VPS33B: variants seen among roughly 807,000 people sequenced by gnomAD.
VPS33B encodes the protein vacuolar protein sorting-associated protein 33B.
Under a neutral mutation model 95.3 loss-of-function variants are expected in VPS33B, and 80 were observed. The ratio of observed to expected loss-of-function variants is 0.84; its 90% CI spans 0.70 to 1.01. The LOEUF is 1.01. Ranked by LOEUF, VPS33B falls within the 50% of genes least tolerant of loss-of-function variation. VPS33B has a pLI of 0.00. For missense variants in VPS33B, 715 were observed against 773.4 expected, an observed-to-expected ratio of 0.92 and a Z score of 0.90; for synonymous variants, 280 against 280.4, an observed-to-expected ratio of 1.00 and a Z score of 0.01.
intron 18 of VPS33B, 113 bp downstream of exon 18, chr15:91,001,937 T>C: frequency 1.3e-6 from 2 of 1,543,360 alleles, no homozygotes; most frequent in Non-Finnish European, 1.8e-6. Context: ...ATGACATTAA[T>C]AGGAAGGAAT....
intron 3 of VPS33B, 31 bp downstream of exon 3, chr15:91,016,932 G>C (rs1436162529): frequency 1.2e-6 from 2 of 1,611,836 alleles, no homozygotes; most frequent in Non-Finnish European, 1.7e-6. Context: ...CTTCCAGCTT[G>C]GAGTAGGGAC....
chr15:91,003,474 C>T (rs932495337), intron 16 of VPS33B, among the ~76,000 whole-genome samples: 1 of 152,128 alleles, frequency 6.6e-6, no homozygotes, highest in Admixed American at 6.6e-5. Context: ...GAGTCTTGCT[C>T]TGTCACTCAG....
rs1312982521 is a variant in VPS33B at position 91,011,526 on chromosome 15, G to C, written c.358-1680C>G. Among the ~76,000 whole-genome samples the C allele has an allele frequency of 6.6e-6, 1 of 152,210 alleles. No homozygotes were observed. Among genetic ancestry groups the C allele is most frequent in the Non-Finnish European group, 1.5e-5 (1 of 68,036 alleles). On this transcript the variant is annotated intron_variant, in intron 5 of 22. Coordinates refer to ENST00000333371, the MANE Select transcript of VPS33B (RefSeq NM_018668.5). The surrounding 1 kb of genome is among the most constrained non-coding windows in gnomAD (Gnocchi z 5.5). ...GCCAATCTTCATAATTAACAAAGGA[G>C]TCTCAAAGAAGAGAGAGAGATGCCT...
Position 91,006,904 on chromosome 15 carries a change from T to G in VPS33B, c.700+46A>C. On this transcript the variant is annotated intron_variant, in intron 9 of 22. Coordinates refer to ENST00000333371, the MANE Select transcript of VPS33B (RefSeq NM_018668.5). This position sits in a 1 kb window ranked among gnomAD's most constrained non-coding sequence, Gnocchi z 5.4. ...TGCCACCACGCCTTCCATATTCCCG[T>G]GTCTTCTAGGGCTGAAAGATGACAG... 6.2e-7 allele frequency: 1 copy of G among 1,612,242 alleles called. No individual in the cohort carries two copies. Among genetic ancestry groups the G allele is most frequent in the Non-Finnish European group, 8.5e-7 (1 of 1,178,368 alleles).
At position 91,002,144 on chromosome 15, in the gene VPS33B, C is replaced by G; in HGVS notation, c.1311G>C (p.Leu437=). Residue 437 remains leucine, a synonymous_variant, in exon 18 of 23, where the codon CTG becomes CTC. Coordinates refer to ENST00000333371, the MANE Select transcript of VPS33B (RefSeq NM_018668.5). This position sits in a 1 kb window ranked among gnomAD's most constrained non-coding sequence, Gnocchi z 4.7. ...GPEHLLTFSN[L]RRAGLLTEQA... is the part of the protein sequence containing the mutation. Reference sequence around the variant, plus strand: ...GCTCCGTTAGGAGCCCAGCTCTTCGCAGATTGGAGAAGGTTAGCAGGTGCT... The same window carrying G: ...GCTCCGTTAGGAGCCCAGCTCTTCGGAGATTGGAGAAGGTTAGCAGGTGCT... 6.2e-7 allele frequency: 1 copy of G among 1,614,176 alleles called. No homozygotes were observed. The highest frequency in any genetic ancestry group is 8.5e-7 in the Non-Finnish European group (1 of 1,180,028).
intron 18 of VPS33B, among the ~76,000 whole-genome samples, chr15:91,001,700 G>A (rs1880649519): frequency 6.6e-6 from 1 of 152,128 alleles, no homozygotes; most frequent in African/African-American, 2.4e-5. Flanking sequence ...GGTAACCCGA[G>A]TTTATTGGTA....
In VPS33B at chr15:91,011,624, TTTTG is replaced by T. The variant is rs1166582517; in HGVS notation, c.358-1782_358-1779del. On this transcript the variant is annotated intron_variant, in intron 5 of 22. Transcript: ENST00000333371. The surrounding 1 kb of genome is among the most constrained non-coding windows in gnomAD (Gnocchi z 5.5). ...TGGAGAACACTCATAAAAATAACTA[TTTTG>T]TTTTTCTGTGTAATAGAGAGGCTTG... 6.6e-6 allele frequency among the ~76,000 whole-genome samples: 1 copy of T among 152,186 alleles called. No individual in the cohort carries two copies. Among genetic ancestry groups the T allele is most frequent in the African/African-American group, 2.4e-5 (1 of 41,454 alleles).
At chr15:91,012,946 T>C (rs975667857) in intron 5 of VPS33B, among the ~76,000 whole-genome samples, 7 of 152,234 alleles carry the variant, frequency 4.6e-5, no homozygotes, top group African/African-American at 1.7e-4. Context: ...TCCTTTCCTG[T>C]GCAAGAAAAG....
chr15:90,999,972 G>T lies in VPS33B; in HGVS notation c.1585C>A (p.Leu529Ile). 1.9e-6 allele frequency: 3 copies of T among 1,614,220 alleles called. No individual in the cohort carries two copies. The highest frequency in any genetic ancestry group is 2.5e-6 in the Non-Finnish European group (3 of 1,180,032). The change falls in exon 21 of 23, where the codon CTA (leucine) becomes ATA (isoleucine). Residue 529 changes from leucine to isoleucine, a missense_variant. Coordinates refer to ENST00000333371, the MANE Select transcript of VPS33B (RefSeq NM_018668.5). The surrounding 1 kb of genome is among the most constrained non-coding windows in gnomAD (Gnocchi z 5.1). ...PLSCRIIEQV[L>I]ERRSWQGLDE... ...AGGCCCTGCCAGCTTCGCCGCTCTAGCACCTGGGAAGGTGTAAGCACTGTT... is the reference window on the plus strand; with the variant it reads ...AGGCCCTGCCAGCTTCGCCGCTCTATCACCTGGGAAGGTGTAAGCACTGTT...
Position 91,014,397 on chromosome 15 carries a change from C to T in VPS33B, c.276G>A (p.Met92Ile), listed in dbSNP as rs1257921681. The T allele has an allele frequency of 6.2e-7, 1 of 1,613,890 alleles. No individual in the cohort carries two copies. The highest frequency in any genetic ancestry group is 1.7e-5 in the Admixed American group (1 of 59,994). The change falls in exon 4 of 23, where the codon ATG (methionine) becomes ATA (isoleucine). Residue 92 changes from methionine to isoleucine, a missense_variant. By Grantham distance (10) the Met-to-Ile change is conservative (BLOSUM62 1). Coordinates refer to ENST00000333371, the MANE Select transcript of VPS33B (RefSeq NM_018668.5). ...CFLVRPRIKN[M>I]RYIASLVNAD... ...TGGCACACTCACTGGCAATGTATCG[C>T]ATATTCTTGATGCGGGGTCTGACCA...
In VPS33B at chr15:91,007,153, CA is replaced by C. The variant is rs2040634070; in HGVS notation, c.604-108del. On this transcript the variant is annotated intron_variant, in intron 8 of 22. Transcript: ENST00000333371. The surrounding 1 kb of genome is among the most constrained non-coding windows in gnomAD (Gnocchi z 5.3). ...GTGATACTTCCTCTTGTCCCCGAGA[CA>C]GGAGCTAATTATTCACAATATGGCC... The C allele has an allele frequency of 8.1e-7, 1 of 1,236,766 alleles. No homozygotes were observed. Among genetic ancestry groups the C allele is most frequent in the Non-Finnish European group, 1.2e-6 (1 of 852,766 alleles). 76.6% of individuals were successfully genotyped at this position (1,236,766 alleles called of 1,614,324 possible).
chr15:91,010,740 G>T lies in VPS33B; in HGVS notation c.358-894C>A, dbSNP rs2040755528. On this transcript the variant is annotated intron_variant, in intron 5 of 22. Coordinates refer to ENST00000333371, the MANE Select transcript of VPS33B (RefSeq NM_018668.5). The surrounding 1 kb of genome is among the most constrained non-coding windows in gnomAD (Gnocchi z 5.7). ...AGGGAAGACTGAGAAAGAATACTCA[G>T]AGAAGCAGGGGCAGGAGAAAACAGC... Among the ~76,000 whole-genome samples, 2 of 152,184 alleles carry T rather than the reference G, an allele frequency of 1.3e-5. No individual in the cohort carries two copies. The highest frequency in any genetic ancestry group is 1.3e-4 in the Admixed American group (2 of 15,280).
At chr15:91,001,839 T>G (rs2040447510) in intron 18 of VPS33B, among the ~76,000 whole-genome samples, 1 of 152,208 alleles carries the variant, frequency 6.6e-6, no homozygotes, top group Non-Finnish European at 1.5e-5. Context: ...TTTGTGAGAT[T>G]AAATGAGAAA....
At chr15:91,014,291 A>C (rs903993303) in intron 4 of VPS33B, 93 bp downstream of exon 4, 1 of 1,327,238 alleles carries the variant, frequency 7.5e-7, no homozygotes, top group Non-Finnish European at 1.1e-6. Context: ...CAACTCAAAC[A>C]ATTATTTTCT....
chr15:90,999,270 G>A lies in VPS33B; in HGVS notation c.1775-216C>T. 1.6e-6 allele frequency: 1 copy of A among 611,098 alleles called. No individual in the cohort carries two copies. The highest frequency in any genetic ancestry group is 2.9e-6 in the Non-Finnish European group (1 of 344,484). 37.9% of individuals were successfully genotyped at this position (611,098 alleles called of 1,614,324 possible). On this transcript the variant is annotated intron_variant, in intron 22 of 22. Coordinates refer to ENST00000333371, the MANE Select transcript of VPS33B (RefSeq NM_018668.5). The surrounding 1 kb of genome is among the most constrained non-coding windows in gnomAD (Gnocchi z 5.1). ...CCCAGAGTTAAGGCTATGGCAAGTT[G>A]TATTCTGAGGCCAGGAGAAAAATAT...
At position 91,001,386 on chromosome 15, in the gene VPS33B, T is replaced by A. The variant is rs935944646; in HGVS notation, c.1479+3A>T. 6 of 1,606,512 alleles carry A rather than the reference T, an allele frequency of 3.7e-6. No individual in the cohort carries two copies. Among genetic ancestry groups the A allele is most frequent in the Non-Finnish European group, 5.1e-6 (6 of 1,175,088 alleles). ...CTCCCCTAACCATCCCTGTTCCACATACCAAATTCAGCTTTTTGCTGATGG... is the reference window on the plus strand; with the variant it reads ...CTCCCCTAACCATCCCTGTTCCACAAACCAAATTCAGCTTTTTGCTGATGG... On this transcript the variant is annotated splice_donor_region_variant and intron_variant, in intron 19 of 22. Transcript: ENST00000333371.
At position 91,011,365 on chromosome 15, in the gene VPS33B, G is replaced by A. The variant is rs1025878923; in HGVS notation, c.358-1519C>T. On this transcript the variant is annotated intron_variant, in intron 5 of 22. Coordinates refer to ENST00000333371, the MANE Select transcript of VPS33B (RefSeq NM_018668.5). This position sits in a 1 kb window ranked among gnomAD's most constrained non-coding sequence, Gnocchi z 5.5. ...TCTGTGAGATGTAGATCAATGCTAC[G>A]TGCTCCTTATTTTACTGTTACACAG... Among the ~76,000 whole-genome samples the A allele has an allele frequency of 6.6e-6, 1 of 152,118 alleles. No individual in the cohort carries two copies. The highest frequency in any genetic ancestry group is 1.5e-5 in the Non-Finnish European group (1 of 68,030).
intron 2 of VPS33B, 141 bp from the exon 3 acceptor site, chr15:91,017,165 C>T (rs1314036415): frequency 2.6e-6 from 2 of 762,902 alleles, no homozygotes; most frequent in Admixed American, 2.0e-5. Context: ...TTATGCTCCC[C>T]TGACGACCAT....
rs1379941876 is a variant in VPS33B, at chr15:90,999,000, T to A, written c.1829A>T (p.Glu610Val). 6.2e-7 allele frequency: 1 copy of A among 1,614,120 alleles called. No homozygotes were observed. The highest frequency in any genetic ancestry group is 2.2e-5 in the East Asian group (1 of 44,886). Residue 610 changes from glutamate (E) to valine (V), a missense_variant, in exon 23 of 23, where the codon GAG becomes GTG. Glu to Val is a moderately radical substitution (Grantham distance 121). Transcript: ENST00000333371. The surrounding 1 kb of genome is among the most constrained non-coding windows in gnomAD (Gnocchi z 4.8). ...TCAGGCTTTCACCTCACTCATGGCC[T>A]CCATAAGGCGAGCGCTGTTTGTGAC... ...TAVTNSARLM[E>V]AMSEVKA
Sources: allele counts gnomAD v4.1 joint callset (sites outside exome capture counted in the v4.1 genomes callset), GRCh38; gene constraint gnomAD v4.1.1; non-coding constraint Gnocchi (gnomAD v3.1); transcripts MANE v1.5; gene names NCBI Gene and HGNC (gene_info 2026-07-23, HGNC 2026-07-21).